CHCHD3: variants seen among roughly 807,000 people sequenced by gnomAD.
CHCHD3 encodes the protein coiled-coil-helix-coiled-coil-helix domain containing 3.
A neutral mutation model predicts 38.2 loss-of-function variants in CHCHD3; 20 were observed. The observed-to-expected ratio is 0.52, with a 90% CI of 0.37 to 0.76. CHCHD3 has a LOEUF of 0.76. Ranked by LOEUF, CHCHD3 falls within the 30% of genes least tolerant of loss-of-function variation. CHCHD3 has a pLI of 0.00. For synonymous variants in CHCHD3, 82 were observed against 100.0 expected (o/e 0.82, Z 1.07); for missense variants, 245 against 279.2 (o/e 0.88, Z 0.87).
intron 3 of CHCHD3, among the ~76,000 whole-genome samples, chr7:133,016,494 C>G (rs554990167): frequency 6.6e-6 from 1 of 152,252 alleles, no homozygotes; most frequent in South Asian, 2.1e-4. Flanking sequence ...GGTTCTCTCA[C>G]TAAAGTATCA....
At chr7:132,787,533 T>C (rs1466895051) in intron 7 of CHCHD3, among the ~76,000 whole-genome samples, 2 of 151,406 alleles carry the variant, frequency 1.3e-5, no homozygotes, top group Non-Finnish European at 2.9e-5. Flanking sequence ...ATGACTTAAA[T>C]TTTGGGTTTG....
intron 2 of CHCHD3, among the ~76,000 whole-genome samples, chr7:133,052,682 T>C (rs1814201811): frequency 6.6e-6 from 1 of 152,150 alleles, no homozygotes; most frequent in East Asian, 1.9e-4. Flanking sequence ...TATACAAATG[T>C]TTGCTTGTAA....
rs1464278356 is a variant in CHCHD3, at chr7:132,796,597, C to A, written c.525-20G>T. On this transcript the variant is annotated intron_variant, in intron 6 of 7. Coordinates refer to ENST00000262570, the MANE Select transcript of CHCHD3 (RefSeq NM_017812.4). ...TATCGCCTGAAAACAAACACAGGGACCGCTGAGACCAATGGTCTTCATTCA... is the reference window on the plus strand; with the variant it reads ...TATCGCCTGAAAACAAACACAGGGAACGCTGAGACCAATGGTCTTCATTCA... The A allele has an allele frequency of 1.2e-6, 2 of 1,611,596 alleles. No individual in the cohort carries two copies. Among genetic ancestry groups the A allele is most frequent in the African/African-American group, 2.7e-5 (2 of 74,834 alleles).
intron 6 of CHCHD3, among the ~76,000 whole-genome samples, chr7:132,802,021 T>C (rs994501082): frequency 3.9e-5 from 6 of 152,268 alleles, no homozygotes; most frequent in Admixed American, 3.9e-4. Context: ...CACCTATCCC[T>C]GCTAAAATGA....
In CHCHD3 at chr7:132,853,771, A is replaced by T. The variant is rs1808278301; in HGVS notation, c.454-15302T>A. Among the ~76,000 whole-genome samples the T allele has an allele frequency of 2.6e-5, 4 of 152,182 alleles. No individual in the cohort carries two copies. The South Asian group carries it at 8.3e-4, about 32-fold the overall frequency. On this transcript the variant is annotated intron_variant, in intron 5 of 7. Transcript: ENST00000262570. ...AGTGTCTCATTGTAAATCTACTTTT[A>T]TCACTGGCATCATGCACTCTCAGAA...
intron 3 of CHCHD3, among the ~76,000 whole-genome samples, chr7:133,023,902 T>C (rs1813260693): frequency 6.6e-6 from 1 of 152,196 alleles, no homozygotes; most frequent in Non-Finnish European, 1.5e-5. Flanking sequence ...TTGCTTCCAA[T>C]TTTCTACTGT....
intron 7 of CHCHD3, among the ~76,000 whole-genome samples, chr7:132,786,665 A>G (rs1230372867): frequency 2.0e-5 from 3 of 152,104 alleles, no homozygotes; most frequent in Non-Finnish European, 4.4e-5. Flanking sequence ...GCCTCCCGCC[A>G]ACCCGCACCC....
At chr7:133,002,187 T>A (rs1812592081) in intron 3 of CHCHD3, among the ~76,000 whole-genome samples, 1 of 152,244 alleles carries the variant, frequency 6.6e-6, no homozygotes, top group African/African-American at 2.4e-5. Context: ...AAAAGAGTTA[T>A]CTGTAAGAAT....
chr7:132,888,489 A>G (rs1809271629), intron 4 of CHCHD3, among the ~76,000 whole-genome samples: 1 of 151,910 alleles, frequency 6.6e-6, no homozygotes, highest in Non-Finnish European at 1.5e-5. Context: ...ATTTATAATA[A>G]TAACTATAAA....
chr7:132,788,441 T>G lies in CHCHD3; in HGVS notation c.661-2781A>C, dbSNP rs1189243616. 1.3e-5 allele frequency among the ~76,000 whole-genome samples: 2 copies of G among 152,208 alleles called. No homozygotes were observed. The highest frequency in any genetic ancestry group is 6.5e-5 in the Admixed American group (1 of 15,282). On this transcript the variant is annotated intron_variant, in intron 7 of 7. Coordinates refer to ENST00000262570, the MANE Select transcript of CHCHD3 (RefSeq NM_017812.4). The surrounding 1 kb of genome is among the most constrained non-coding windows in gnomAD (Gnocchi z 4.0). ...TTACAAGGATAACCACATGACAATG[T>G]ACCTCCTTTCAAATATTGCAAAATA...
chr7:133,034,750 G>C (rs778106850), intron 2 of CHCHD3: 2 of 1,613,534 alleles, frequency 1.2e-6, no homozygotes, highest in Non-Finnish European at 8.5e-7. Context: ...TAGTCCACCT[G>C]CCAATCTGGA....
Position 132,870,171 on chromosome 7 carries a change from C to CA in CHCHD3, c.453+15490dup, listed in dbSNP as rs1808729886. Among the ~76,000 whole-genome samples the CA allele has an allele frequency of 2.6e-5, 4 of 151,742 alleles. No individual in the cohort carries two copies. The South Asian group carries it at 8.4e-4, about 32-fold the overall frequency. ...TTTGAGACCAGCTTGGGCAACGTGG[C>CA]AAAACCCCGTCTCTAAAAAAATACA... On this transcript the variant is annotated intron_variant, in intron 5 of 7. Transcript: ENST00000262570.
intron 2 of CHCHD3, among the ~76,000 whole-genome samples, chr7:133,062,471 T>C (rs1814544652): frequency 1.3e-5 from 2 of 152,208 alleles, no homozygotes; most frequent in Non-Finnish European, 2.9e-5. Flanking sequence ...TATCACTGTT[T>C]TATCTAGTTT....
intron 5 of CHCHD3, among the ~76,000 whole-genome samples, chr7:132,867,185 C>T (rs1203741454): frequency 4.6e-5 from 7 of 152,120 alleles, no homozygotes; most frequent in Non-Finnish European, 2.9e-5. Context: ...TCCCCAGAAC[C>T]TAAAATGGAG....
chr7:133,033,775 C>T (rs1813570351), intron 2 of CHCHD3, among the ~76,000 whole-genome samples: 1 of 152,112 alleles, frequency 6.6e-6, no homozygotes, highest in Admixed American at 6.5e-5. Context: ...TTTGCCCGGT[C>T]CACTTATAAA....
intron 4 of CHCHD3, among the ~76,000 whole-genome samples, chr7:132,887,383 C>A (rs1809243919): frequency 6.6e-6 from 1 of 151,484 alleles, no homozygotes; most frequent in Non-Finnish European, 1.5e-5. Flanking sequence ...TACATGACTA[C>A]ATAATCTAAA....
chr7:132,869,641 C>A (rs1808717019), intron 5 of CHCHD3, among the ~76,000 whole-genome samples: 1 of 152,180 alleles, frequency 6.6e-6, no homozygotes, highest in Non-Finnish European at 1.5e-5. Flanking sequence ...GGCTGGAGTG[C>A]AGCGACATAA....
chr7:132,972,827 C>G (rs967230112), intron 4 of CHCHD3: 1 of 984,940 alleles, frequency 1.0e-6, no homozygotes. Context: ...ATCTATACCA[C>G]ACAACCAGAA....
chr7:133,072,170 G>GAAA, intron 1 of CHCHD3, among the ~76,000 whole-genome samples: 1 of 117,114 alleles, frequency 8.5e-6, no homozygotes, highest in African/African-American at 3.1e-5. Flanking sequence ...ACCCTATCTA[G>GAAA]AAAAAAAAAA....
Sources: gnomAD v4.1 joint callset for allele counts (sites outside exome capture counted in the v4.1 genomes callset) on GRCh38, gnomAD v4.1.1 for gene constraint, Gnocchi (gnomAD v3.1) non-coding constraint, MANE v1.5 for transcripts, NCBI Gene and HGNC (gene_info 2026-07-23, HGNC 2026-07-21) for gene names.